Variants in ROBO2 observed in about 807,000 individuals in gnomAD.
ROBO2 encodes roundabout guidance receptor 2.
A neutral mutation model predicts 160.8 loss-of-function variants in ROBO2; 53 were observed. The observed-to-expected ratio is 0.33, with a 90% CI of 0.26 to 0.41. The LOEUF is 0.41. ROBO2 is among the 10% of genes least tolerant of loss of function. ROBO2 has a pLI of 1.00. For missense variants in ROBO2, 1,577 were observed against 1,722.4 expected (o/e 0.92, Z 1.49); for synonymous variants, 664 against 611.7 (o/e 1.09, Z -1.26).
intron 2 of ROBO2, among the ~76,000 whole-genome samples, chr3:76,186,009 C>T (rs1701746263): frequency 6.6e-6 from 1 of 150,834 alleles, no homozygotes; most frequent in Non-Finnish European, 1.5e-5. Context: ...TCACAGCTCA[C>T]TGCAGCATCA....
intron 2 of ROBO2, among the ~76,000 whole-genome samples, chr3:76,740,225 A>T (rs1364469989): frequency 6.6e-6 from 1 of 152,202 alleles, no homozygotes; most frequent in Non-Finnish European, 1.5e-5. Flanking sequence ...AAGGAGAAAA[A>T]TGTCTTGTGA....
intron 9 of ROBO2, among the ~76,000 whole-genome samples, chr3:77,562,192 A>G (rs2093343814): frequency 6.6e-6 from 1 of 152,114 alleles, no homozygotes; most frequent in African/African-American, 2.4e-5. Flanking sequence ...CTTATTGCTT[A>G]TTTACTCGGG....
Position 77,563,469 on chromosome 3 carries a change from T to C in ROBO2, c.1682+140T>C, listed in dbSNP as rs2093391525. ...AGAATTGATCTCTTCTCTCTGACTT[T>C]ATTCAAGAACAGAGTTAATTTTTTT... is the stretch of plus-strand genomic sequence containing the variant. On this transcript the variant is annotated intron_variant, in intron 11 of 25. Coordinates refer to ENST00000461745, the Ensembl canonical transcript of ROBO2. 2.5e-5 allele frequency: 22 copies of C among 870,448 alleles called. No homozygotes were observed. In the South Asian group the frequency reaches 2.9e-4, roughly 12 times the overall value. The allele number at this position is 870,448 out of a possible 1,614,324, so 53.9% of individuals were successfully genotyped here. A position where few individuals can be genotyped will look rare whatever the true frequency, so the allele number is the denominator to read the frequency against.
chr3:76,517,995 C>T (rs1202816313), intron 2 of ROBO2, among the ~76,000 whole-genome samples: 1 of 151,760 alleles, frequency 6.6e-6, no homozygotes, highest in Admixed American at 6.6e-5. Flanking sequence ...TAAAAAAAAA[C>T]TTTATCATGC....
intron 2 of ROBO2, among the ~76,000 whole-genome samples, chr3:77,194,944 C>T (rs186913258): frequency 1.1e-4 from 16 of 152,092 alleles, no homozygotes; most frequent in East Asian, 7.7e-4. Flanking sequence ...TTAAATATTA[C>T]ATGGCTCTTG....
chr3:77,380,745 T>TGTGA (rs2153486551), intron 2 of ROBO2, among the ~76,000 whole-genome samples: 1 of 146,790 alleles, frequency 6.8e-6, no homozygotes, highest in African/African-American at 2.5e-5. Flanking sequence ...TCATCACAGG[T>TGTGA]GTGAGTGTTA....
chr3:77,399,132 T>C (rs1342765748), intron 2 of ROBO2, among the ~76,000 whole-genome samples: 1 of 152,166 alleles, frequency 6.6e-6, no homozygotes, highest in Non-Finnish European at 1.5e-5. Context: ...CAGTTCTCAT[T>C]AGATATAGAT....
intron 2 of ROBO2, among the ~76,000 whole-genome samples, chr3:76,116,936 C>G (rs966487208): frequency 2.0e-4 from 31 of 152,150 alleles, no homozygotes; most frequent in African/African-American, 7.0e-4. Flanking sequence ...TAGATTTCTT[C>G]TCTAAGCCTC....
chr3:76,249,842 T>C (rs905078402), intron 2 of ROBO2, among the ~76,000 whole-genome samples: 1 of 152,152 alleles, frequency 6.6e-6, no homozygotes, highest in Admixed American at 6.6e-5. Context: ...GAATGTTGCT[T>C]CTAAGAAAGC....
intron 2 of ROBO2, among the ~76,000 whole-genome samples, chr3:77,122,917 A>C (rs2074923095): frequency 6.6e-6 from 1 of 152,088 alleles, no homozygotes; most frequent in Admixed American, 6.6e-5. Context: ...TGCTTCCAAC[A>C]TACAGTCCTC....
chr3:76,927,989 C>A (rs1376629207), intron 2 of ROBO2, among the ~76,000 whole-genome samples: 2 of 152,112 alleles, frequency 1.3e-5, no homozygotes. Flanking sequence ...CAGTGGTAGG[C>A]AGAATGGCCC....
chr3:75,937,842 TA>T (rs2107020895), intron 2 of ROBO2, among the ~76,000 whole-genome samples: 2 of 1,054 alleles, frequency 1.9e-3, no homozygotes, highest in Admixed American at 0.022. Flanking sequence ...GAATTGATTT[TA>T]TATATATATA....
At chr3:76,204,195 A>G (rs1702693072) in intron 2 of ROBO2, among the ~76,000 whole-genome samples, 1 of 152,086 alleles carries the variant, frequency 6.6e-6, no homozygotes, top group African/African-American at 2.4e-5. Flanking sequence ...ATTCTTATCT[A>G]TTTTTTTCAA....
At chr3:77,309,340 C>A (rs998582430) in intron 2 of ROBO2, among the ~76,000 whole-genome samples, 2 of 152,090 alleles carry the variant, frequency 1.3e-5, no homozygotes, top group African/African-American at 4.8e-5. Flanking sequence ...AGGAGAAATG[C>A]AGCATGTGAT....
chr3:77,499,135 G>C (rs2153605370), intron 5 of ROBO2, among the ~76,000 whole-genome samples: 1 of 152,284 alleles, frequency 6.6e-6, no homozygotes, highest in South Asian at 2.1e-4. Context: ...AAATATTTAG[G>C]CCATTGCCAA....
At chr3:76,201,674 C>T (rs982885821) in intron 2 of ROBO2, among the ~76,000 whole-genome samples, 15 of 151,966 alleles carry the variant, frequency 9.9e-5, no homozygotes, top group South Asian at 2.1e-4. Context: ...AGGAAGCAGA[C>T]GGCCATAAAC....
intron 2 of ROBO2, among the ~76,000 whole-genome samples, chr3:77,013,256 C>T (rs1026529684): frequency 1.3e-5 from 2 of 151,860 alleles, no homozygotes; most frequent in South Asian, 2.1e-4. Flanking sequence ...ATTATAGGTG[C>T]ACCTTAATTT....
intron 2 of ROBO2, among the ~76,000 whole-genome samples, chr3:76,143,492 A>G (rs1439773234): frequency 6.6e-6 from 1 of 152,084 alleles, no homozygotes; most frequent in African/African-American, 2.4e-5. Context: ...GGAGTATCCA[A>G]TAAAGATATT....
At chr3:77,321,860 G>A (rs1314863256) in intron 2 of ROBO2, among the ~76,000 whole-genome samples, 2 of 152,114 alleles carry the variant, frequency 1.3e-5, no homozygotes, top group Admixed American at 1.3e-4. Flanking sequence ...AGGACAAAGT[G>A]GCCCTTTGTT....
Sources: allele counts gnomAD v4.1 joint callset (sites outside exome capture counted in the v4.1 genomes callset), GRCh38; gene constraint gnomAD v4.1.1; transcripts MANE v1.5; gene names NCBI Gene and HGNC (gene_info 2026-07-23, HGNC 2026-07-21).